The following NTNG1 variants were observed in gnomAD, a reference collection of about 807,000 sequenced individuals.
NTNG1 encodes the protein netrin-G1.
In NTNG1, 16 loss-of-function variants were observed where a neutral mutation model predicts 54.0. That is an observed-to-expected ratio of 0.30 (90% CI 0.20 to 0.45). The LOEUF (loss-of-function observed/expected upper bound fraction) is 0.45, where lower values mean the gene tolerates loss of function less well. NTNG1 is among the 20% of genes least tolerant of loss of function. The pLI, the probability that NTNG1 is intolerant of heterozygous loss-of-function variation, is 1.00. For missense variants in NTNG1, 530 were observed against 678.7 expected, an observed-to-expected ratio of 0.78 and a Z score of 2.43; for synonymous variants, 255 against 263.1, an observed-to-expected ratio of 0.97 and a Z score of 0.30.
At chr1:107,424,115 A>G (rs1435209855) in intron 5 of NTNG1, among the ~76,000 whole-genome samples, 1 of 152,180 alleles carries the variant, frequency 6.6e-6, no homozygotes, top group Non-Finnish European at 1.5e-5. Flanking sequence ...CTATGAAAAA[A>G]TATAAACAAG....
intron 2 of NTNG1, among the ~76,000 whole-genome samples, chr1:107,268,581 A>G (rs1663916532): frequency 6.6e-6 from 1 of 151,382 alleles, no homozygotes; most frequent in African/African-American, 2.4e-5. Flanking sequence ...TGTACTTTCT[A>G]ACAAACCAGT....
At chr1:107,315,624 A>G (rs531752663) in intron 2 of NTNG1, among the ~76,000 whole-genome samples, 58 of 152,268 alleles carry the variant, frequency 3.8e-4, no homozygotes, top group Non-Finnish European at 2.5e-4. Flanking sequence ...CTTTGCCAAG[A>G]ATGATCTCCC....
At chr1:107,439,598 TAGG>T (rs1312051575) in intron 7 of NTNG1, among the ~76,000 whole-genome samples, 1 of 152,110 alleles carries the variant, frequency 6.6e-6, no homozygotes. Context: ...TTTGGGAACA[TAGG>T]AGATTTTTCT....
At chr1:107,343,268 G>T (rs2101932439) in intron 3 of NTNG1, among the ~76,000 whole-genome samples, 1 of 152,196 alleles carries the variant, frequency 6.6e-6, no homozygotes, top group African/African-American at 2.4e-5. Context: ...TTTCTAATCA[G>T]CTCCTGGTCA....
intron 5 of NTNG1, among the ~76,000 whole-genome samples, chr1:107,426,206 T>C (rs188559888): frequency 2.6e-5 from 4 of 152,250 alleles, no homozygotes; most frequent in Non-Finnish European, 5.9e-5. Flanking sequence ...TTGTTTTTGT[T>C]GTATTTGTTT....
intron 2 of NTNG1, among the ~76,000 whole-genome samples, chr1:107,170,224 A>G (rs1180316351): frequency 6.6e-6 from 1 of 152,216 alleles, no homozygotes; most frequent in Non-Finnish European, 1.5e-5. Flanking sequence ...AAAGTGGATT[A>G]TTGATTAAGG....
Position 107,416,830 on chromosome 1 carries a change from A to G in NTNG1, c.1087+9122A>G, listed in dbSNP as rs1185332707. Among the ~76,000 whole-genome samples the G allele has an allele frequency of 2.0e-5, 3 of 152,014 alleles. No individual in the cohort carries two copies. The South Asian group carries it at 6.2e-4, about 32-fold the overall frequency. ...CTTGCAAACATCACCTCCACTTAAG[A>G]CCTATATTTGTTTCTGCACAGAAAA... On this transcript the variant is annotated intron_variant, in intron 5 of 7. Transcript: ENST00000370068.
intron 3 of NTNG1, among the ~76,000 whole-genome samples, chr1:107,392,789 G>A (rs1672445319): frequency 6.6e-6 from 1 of 152,108 alleles, no homozygotes; most frequent in South Asian, 2.1e-4. Flanking sequence ...GATGGGAGAG[G>A]CTTGTGCAAT....
chr1:107,191,564 T>C (rs1487619017), intron 2 of NTNG1, among the ~76,000 whole-genome samples: 1 of 152,148 alleles, frequency 6.6e-6, no homozygotes, highest in African/African-American at 2.4e-5. Context: ...GTTTTAGGTC[T>C]AACATTTAAG....
rs1051188574 is a variant in NTNG1 at position 107,383,495 on chromosome 1, G to A, written c.888-11659G>A. On this transcript the variant is annotated intron_variant, in intron 3 of 7. Coordinates refer to ENST00000370068, the MANE Select transcript of NTNG1 (RefSeq NM_001113226.3). ...TTCTATAAAGAGAAAAAAAGAAAGA[G>A]ATCTAATATAGAAGTTGGTTACCAT... Among the ~76,000 whole-genome samples the A allele has an allele frequency of 2.0e-5, 3 of 152,180 alleles. No individual in the cohort carries two copies. The South Asian group carries it at 6.2e-4, about 32-fold the overall frequency.
chr1:107,164,591 T>C (rs1345317514), intron 2 of NTNG1, among the ~76,000 whole-genome samples: 1 of 152,198 alleles, frequency 6.6e-6, no homozygotes, highest in Admixed American at 6.5e-5. Flanking sequence ...ACTACTGTGA[T>C]AAACACTTCA....
rs1442978708 is a variant in NTNG1 at position 107,480,756 on chromosome 1, T to C, written c.1536T>C (p.Ser512=). The stretch of plus-strand genomic sequence containing the variant: ...AGGCTGGCAGCTGCGGCTCCGACTC[T>C]GGCCAGGGCGCGCCCCCGCACGGCT... The part of the protein sequence containing the change: ...CEEAGSCGSD[S]GQGAPPHGSP... The change falls in exon 8 of 8, where the codon TCT becomes TCC. Residue 512 remains serine (S), a synonymous_variant. Coordinates refer to ENST00000370068, the MANE Select transcript of NTNG1 (RefSeq NM_001113226.3). 1.9e-6 allele frequency: 3 copies of C among 1,606,938 alleles called. No homozygotes were observed. The highest frequency in any genetic ancestry group is 1.7e-6 in the Non-Finnish European group (2 of 1,178,132).
intron 7 of NTNG1, among the ~76,000 whole-genome samples, chr1:107,438,472 G>A (rs1006384159): frequency 2.0e-5 from 3 of 152,178 alleles, no homozygotes; most frequent in Non-Finnish European, 2.9e-5. Flanking sequence ...GGCTCAGAGT[G>A]AAGCTATCAA....
At chr1:107,239,807 T>A (rs1661700546) in intron 2 of NTNG1, among the ~76,000 whole-genome samples, 1 of 152,206 alleles carries the variant, frequency 6.6e-6, no homozygotes, top group African/African-American at 2.4e-5. Flanking sequence ...AAAAATGTCC[T>A]TGATAGTGGA....
intron 3 of NTNG1, among the ~76,000 whole-genome samples, chr1:107,341,076 G>A (rs961878220): frequency 2.0e-5 from 3 of 151,936 alleles, no homozygotes; most frequent in Non-Finnish European, 2.9e-5. Flanking sequence ...ATTTCTTGAG[G>A]CCAGGAGTTT....
intron 4 of NTNG1, among the ~76,000 whole-genome samples, chr1:107,397,670 C>A (rs533730556): frequency 7.9e-5 from 12 of 151,774 alleles, no homozygotes; most frequent in Non-Finnish European, 1.5e-4. Context: ...TAGTTTTTTT[C>A]ATAAGACAGT....
At chr1:107,243,352 A>G (rs968464957) in intron 2 of NTNG1, among the ~76,000 whole-genome samples, 1 of 152,214 alleles carries the variant, frequency 6.6e-6, no homozygotes, top group African/African-American at 2.4e-5. Flanking sequence ...AATAGGGACT[A>G]TTTAAATAAG....
At chr1:107,163,102 G>A (rs535514519) in intron 2 of NTNG1, among the ~76,000 whole-genome samples, 2 of 152,148 alleles carry the variant, frequency 1.3e-5, no homozygotes, top group Non-Finnish European at 2.9e-5. Context: ...AAGTAGCAAT[G>A]ATAAGTCTTT....
chr1:107,214,238 T>G (rs1172442924), intron 2 of NTNG1, among the ~76,000 whole-genome samples: 1 of 152,172 alleles, frequency 6.6e-6, no homozygotes, highest in Non-Finnish European at 1.5e-5. Context: ...AGTGAACCTG[T>G]ACCCAATGTG....
Sources: gnomAD v4.1 joint callset for allele counts (sites outside exome capture counted in the v4.1 genomes callset) on GRCh38, gnomAD v4.1.1 for gene constraint, MANE v1.5 for transcripts, NCBI Gene and HGNC (gene_info 2026-07-23, HGNC 2026-07-21) for gene names.